The following FGF13 variants were observed in gnomAD, a reference collection of about 807,000 sequenced individuals.
The protein encoded by FGF13 is fibroblast growth factor 13.
A neutral mutation model predicts 19.5 loss-of-function variants in FGF13; 2 were observed. The observed-to-expected ratio is 0.10, with a 90% CI of 0.04 to 0.32. The LOEUF (loss-of-function observed/expected upper bound fraction) is 0.32. Ranked by LOEUF, FGF13 falls within the 10% of genes least tolerant of loss-of-function variation. The probability of loss-of-function intolerance (pLI) is 1.00; values close to 1 mark genes in which losing one functional copy is unlikely to be tolerated. For synonymous variants in FGF13, 72 were observed against 76.9 expected, an observed-to-expected ratio of 0.94 and a Z score of 0.33; for missense variants, 113 against 192.7, an observed-to-expected ratio of 0.59 and a Z score of 2.45.
chrX:138,823,266 C>A (rs753666426), intron 3 of FGF13, among the ~76,000 whole-genome samples: 1 of 111,026 alleles, frequency 9.0e-6, no homozygotes, highest in South Asian at 3.9e-4. Context: ...GAAGGAGTCC[C>A]CAGAGAGACT....
chrX:139,157,558 G>A (rs1157894904), intron 1 of FGF13, among the ~76,000 whole-genome samples: 4 of 112,390 alleles, frequency 3.6e-5, no homozygotes, highest in African/African-American at 1.3e-4. Context: ...ACCATGTTGT[G>A]ATGCAGCAAG....
At chrX:139,099,079 A>G (rs149386318) in intron 1 of FGF13, among the ~76,000 whole-genome samples, 1,913 of 110,261 alleles carry the variant, frequency 0.017, 43 homozygotes, top group African/African-American at 0.059. Context: ...CATGGCTACA[A>G]ATGATGGTCT....
At chrX:138,877,144 T>TA (rs1412049852) in intron 1 of FGF13, among the ~76,000 whole-genome samples, 3 of 109,661 alleles carry the variant, frequency 2.7e-5, no homozygotes, top group Non-Finnish European at 5.7e-5. Flanking sequence ...GACGGGAACT[T>TA]AGAGGACAAG....
chrX:138,952,977 G>A (rs1384001086), intron 1 of FGF13, among the ~76,000 whole-genome samples: 1 of 111,523 alleles, frequency 9.0e-6, no homozygotes, highest in African/African-American at 3.3e-5. Context: ...TACACTATTG[G>A]TGGGACTGTC....
intron 3 of FGF13, among the ~76,000 whole-genome samples, chrX:138,842,391 T>C (rs1269068166): frequency 9.0e-6 from 1 of 110,626 alleles, no homozygotes; most frequent in Non-Finnish European, 1.9e-5. Context: ...GAGAGCCTTA[T>C]ATAATATAAA....
chrX:139,172,840 T>G (rs1267607784), intron 1 of FGF13, among the ~76,000 whole-genome samples: 2 of 111,743 alleles, frequency 1.8e-5, no homozygotes, highest in Non-Finnish European at 3.8e-5. Flanking sequence ...TTTTATATCC[T>G]GAGCCAAGAA....
chrX:138,861,509 T>G (rs887084810), intron 2 of FGF13, among the ~76,000 whole-genome samples: 1 of 112,524 alleles, frequency 8.9e-6, no homozygotes, highest in Non-Finnish European at 1.9e-5. Flanking sequence ...ATTTAGTACG[T>G]GACAAACACT....
At chrX:138,647,958 G>A (rs1293687572) in intron 3 of FGF13, among the ~76,000 whole-genome samples, 2 of 112,102 alleles carry the variant, frequency 1.8e-5, no homozygotes, top group Non-Finnish European at 3.8e-5. Flanking sequence ...TAATTATATA[G>A]CATAGAAGTG....
intron 1 of FGF13, among the ~76,000 whole-genome samples, chrX:139,080,502 T>G (rs1320209630): frequency 3.6e-5 from 4 of 111,806 alleles, no homozygotes; most frequent in Admixed American, 9.5e-5. Context: ...CATCCTCAAT[T>G]CCCAGGCTCC....
intron 1 of FGF13, among the ~76,000 whole-genome samples, chrX:138,870,432 A>C (rs1427244345): frequency 8.9e-6 from 1 of 112,017 alleles, no homozygotes; most frequent in Non-Finnish European, 1.9e-5. Flanking sequence ...GATTCAAAGC[A>C]AGGTCTGCAT....
chrX:138,872,651 T>G (rs755644655), intron 1 of FGF13, among the ~76,000 whole-genome samples: 1 of 112,210 alleles, frequency 8.9e-6, no homozygotes, highest in African/African-American at 3.2e-5. Flanking sequence ...GGTTCTTCCC[T>G]CTTCTTGATA....
chrX:139,092,067 C>A (rs1269533176), intron 1 of FGF13, among the ~76,000 whole-genome samples: 1 of 111,365 alleles, frequency 9.0e-6, no homozygotes, highest in East Asian at 2.9e-4. Context: ...AATATACAGG[C>A]AAGAGGTATC....
At chrX:139,203,987 G>A, upstream of FGF13, 1 of 1,095,770 alleles carries the variant, frequency 9.1e-7, no homozygotes, top group Non-Finnish European at 1.3e-6. Flanking sequence ...AGCCGCCGGA[G>A]GGCGGCGCGC....
intron 3 of FGF13, among the ~76,000 whole-genome samples, chrX:138,687,771 C>T (rs2089797827): frequency 2.7e-5 from 3 of 111,055 alleles, no homozygotes; most frequent in Admixed American, 1.9e-4. Flanking sequence ...AACAAATGAA[C>T]GAATAAAGAA....
intron 3 of FGF13, among the ~76,000 whole-genome samples, chrX:138,699,866 A>G (rs1276518671): frequency 9.0e-6 from 1 of 111,419 alleles, no homozygotes; most frequent in East Asian, 2.8e-4. Flanking sequence ...CTAGGTTCAT[A>G]TTTTCAAATA....
intron 1 of FGF13, among the ~76,000 whole-genome samples, chrX:138,994,621 G>A (rs2092033213): frequency 9.0e-6 from 1 of 111,063 alleles, no homozygotes; most frequent in Non-Finnish European, 1.9e-5. Flanking sequence ...CATATAGTGT[G>A]TGTTTTCATT....
At chrX:139,040,101 G>T (rs992333525) in intron 1 of FGF13, among the ~76,000 whole-genome samples, 1 of 112,079 alleles carries the variant, frequency 8.9e-6, no homozygotes, top group African/African-American at 3.2e-5. Context: ...ACTTACCAGG[G>T]ACTATATAAA....
intron 1 of FGF13, among the ~76,000 whole-genome samples, chrX:138,881,640 T>C (rs2091425431): frequency 8.9e-6 from 1 of 111,809 alleles, no homozygotes; most frequent in Non-Finnish European, 1.9e-5. Flanking sequence ...TCTTGGCAGA[T>C]TGTGTGTTTC....
chrX:138,888,656 TTTCCTTCTTC>T (rs1237799456), intron 1 of FGF13, among the ~76,000 whole-genome samples: 1 of 109,252 alleles, frequency 9.2e-6, no homozygotes, highest in East Asian at 2.9e-4. Context: ...TACTGCCATT[TTTCCTTCTTC>T]TTCCTTCTAC....
Sources: gnomAD v4.1 joint callset for allele counts (sites outside exome capture counted in the v4.1 genomes callset) on GRCh38, gnomAD v4.1.1 for gene constraint, MANE v1.5 for transcripts, NCBI Gene and HGNC (gene_info 2026-07-23, HGNC 2026-07-21) for gene names.